MYO5A: variants seen among roughly 807,000 people sequenced by gnomAD.
MYO5A encodes the protein unconventional myosin-Va.
MYO5A carries 98 observed loss-of-function variants against 249.7 expected under a neutral mutation model. The ratio of observed to expected loss-of-function variants is 0.39; its 90% CI spans 0.33 to 0.46. The LOEUF is 0.46. Ranked by LOEUF, MYO5A falls within the 20% of genes least tolerant of loss-of-function variation. The probability of loss-of-function intolerance (pLI) is 0.98; values close to 1 mark genes in which losing one functional copy is unlikely to be tolerated. For missense variants in MYO5A, 1,696 were observed against 2,308.8 expected, an observed-to-expected ratio of 0.73 and a Z score of 5.44; for synonymous variants, 778 against 810.6, an observed-to-expected ratio of 0.96 and a Z score of 0.68.
At chr15:52,470,848 C>T (rs550626388) in intron 1 of MYO5A, among the ~76,000 whole-genome samples, 6 of 151,848 alleles carry the variant, frequency 4.0e-5, no homozygotes, top group African/African-American at 1.4e-4. Context: ...CATGGTGAAA[C>T]CCCATCTCTA....
chr15:52,418,134 T>A lies in MYO5A; in HGVS notation c.456-1833A>T, dbSNP rs1286445336. 2.0e-5 allele frequency among the ~76,000 whole-genome samples: 3 copies of A among 152,080 alleles called. No individual in the cohort carries two copies. The East Asian group carries it at 5.8e-4, about 29-fold the overall frequency. Reference sequence around the variant, plus strand: ...TAAATGAAGGCTCAGAATCAGAAGTTTGGAAAGAGCAGATAACTCAGCTTA... The same window carrying A: ...TAAATGAAGGCTCAGAATCAGAAGTATGGAAAGAGCAGATAACTCAGCTTA... On this transcript the variant is annotated intron_variant, in intron 4 of 41. Transcript: ENST00000399233.
At chr15:52,425,171 A>G (rs1315372430) in intron 4 of MYO5A, among the ~76,000 whole-genome samples, 1 of 152,136 alleles carries the variant, frequency 6.6e-6, no homozygotes, top group Non-Finnish European at 1.5e-5. Context: ...TAGGCTTTTT[A>G]GTTCTAGTCT....
intron 1 of MYO5A, among the ~76,000 whole-genome samples, chr15:52,475,760 T>C (rs992021314): frequency 2.0e-5 from 3 of 152,220 alleles, no homozygotes; most frequent in African/African-American, 7.2e-5. Flanking sequence ...AGGCAGTTTG[T>C]TATAATTTCT....
rs543623972 is a variant in MYO5A, at chr15:52,321,209, T to C, written c.4951+150A>G. On this transcript the variant is annotated intron_variant, in intron 38 of 41. Transcript: ENST00000399233. ...TCCCAGTTAACTATGGCTGGGTTTC[T>C]GGGATTCCTCGGCTAATTTTAGCCC... The C allele has an allele frequency of 1.3e-4, 130 of 972,174 alleles. 1 individual carries two copies. In the South Asian group the frequency reaches 1.7e-3, roughly 13 times the overall value. The allele number at this position is 972,174 out of a possible 1,614,324, so 60.2% of individuals were successfully genotyped here. A position where few individuals can be genotyped will look rare whatever the true frequency, so the allele number is the denominator to read the frequency against.
chr15:52,438,257 C>T (rs2075708705), intron 1 of MYO5A, among the ~76,000 whole-genome samples: 1 of 152,176 alleles, frequency 6.6e-6, no homozygotes, highest in Admixed American at 6.5e-5. Context: ...TGTCCAGTCA[C>T]ATCCGGTGAG....
chr15:52,524,426 T>C (rs2077689452), intron 1 of MYO5A, among the ~76,000 whole-genome samples: 2 of 151,572 alleles, frequency 1.3e-5, no homozygotes, highest in Admixed American at 1.3e-4. Context: ...TGGTAGCACA[T>C]GCCTGTAGAT....
intron 1 of MYO5A, among the ~76,000 whole-genome samples, chr15:52,450,251 C>T (rs1454041619): frequency 2.6e-5 from 4 of 151,900 alleles, no homozygotes; most frequent in Non-Finnish European, 5.9e-5. Flanking sequence ...TAATACCTAC[C>T]ACATAGGGGT....
intron 38 of MYO5A, 45 bp downstream of exon 38, chr15:52,321,314 T>C (rs1447742295): frequency 2.5e-6 from 4 of 1,613,216 alleles, no homozygotes; most frequent in Non-Finnish European, 3.4e-6. Context: ...TCGATGGGCA[T>C]GAATGATAGG....
Position 52,354,416 on chromosome 15 carries a change from A to G in MYO5A, c.3424-402T>C, listed in dbSNP as rs139151330. Among the ~76,000 whole-genome samples the G allele has an allele frequency of 5.9e-3, 898 of 152,376 alleles. 9 individuals are homozygous for G. The highest frequency in any genetic ancestry group is 0.021 in the African/African-American group (859 of 41,584). ...CCTACAGAAATACTTACACAAGTAT[A>G]TAAAAATATATGGAAAAAGATGTTC... is the stretch of plus-strand genomic sequence containing the variant. On this transcript the variant is annotated intron_variant, in intron 25 of 41. Transcript: ENST00000399233.
At chr15:52,370,451 T>C (rs778302758) in intron 21 of MYO5A, 34 bp from the exon 22 acceptor site, 9 of 1,569,542 alleles carry the variant, frequency 5.7e-6, no homozygotes, top group Non-Finnish European at 7.9e-6. Flanking sequence ...AATAAGTAAA[T>C]ACACATATCA....
chr15:52,338,173 T>C (rs901527446), intron 32 of MYO5A, among the ~76,000 whole-genome samples: 3 of 150,574 alleles, frequency 2.0e-5, no homozygotes, highest in African/African-American at 4.9e-5. Context: ...TCCAACCTCC[T>C]GCCTTTTTAC....
chr15:52,336,589 A>G (rs1395390301), intron 33 of MYO5A, 33 bp from the exon 34 acceptor site: 2 of 1,470,596 alleles, frequency 1.4e-6, no homozygotes, highest in Admixed American at 3.8e-5. Flanking sequence ...TATTAGAAAA[A>G]TCGAAACAGG....
At chr15:52,435,689 C>T (rs1280750656) in intron 1 of MYO5A, 3 of 454,848 alleles carry the variant, frequency 6.6e-6, no homozygotes, top group Non-Finnish European at 4.4e-6. Flanking sequence ...AAATTTTTTA[C>T]TTAAAGTTTG....
intron 9 of MYO5A, among the ~76,000 whole-genome samples, chr15:52,403,739 T>C (rs2042865462): frequency 6.6e-6 from 1 of 152,184 alleles, no homozygotes; most frequent in Admixed American, 6.5e-5. Flanking sequence ...ACTAGCAATG[T>C]TTCATTAGAA....
At chr15:52,396,021 C>CCCAG in intron 11 of MYO5A, among the ~76,000 whole-genome samples, 1 of 152,164 alleles carries the variant, frequency 6.6e-6, no homozygotes. Flanking sequence ...TGAAAGATAT[C>CCCAG]CTTGGGCTTA....
intron 1 of MYO5A, among the ~76,000 whole-genome samples, chr15:52,469,422 A>C (rs1170519051): frequency 6.6e-6 from 1 of 152,200 alleles, no homozygotes; most frequent in Non-Finnish European, 1.5e-5. Flanking sequence ...ACTATTTAGT[A>C]AGTGGAAGTG....
intron 25 of MYO5A, among the ~76,000 whole-genome samples, chr15:52,355,152 A>G (rs1364276903): frequency 6.6e-6 from 1 of 152,196 alleles, no homozygotes; most frequent in African/African-American, 2.4e-5. Context: ...AGGAAGAATG[A>G]TTTTTGAAAA....
At chr15:52,334,922 G>A (rs1235510669) in intron 34 of MYO5A, among the ~76,000 whole-genome samples, 1 of 152,220 alleles carries the variant, frequency 6.6e-6, no homozygotes, top group Non-Finnish European at 1.5e-5. Flanking sequence ...TTGAGGATGT[G>A]ACATATGACT....
At chr15:52,512,723 C>T (rs2077416981) in intron 1 of MYO5A, among the ~76,000 whole-genome samples, 1 of 152,004 alleles carries the variant, frequency 6.6e-6, no homozygotes, top group Non-Finnish European at 1.5e-5. Flanking sequence ...GAGTGATTTC[C>T]TATACTATTT....
Sources: allele counts gnomAD v4.1 joint callset (sites outside exome capture counted in the v4.1 genomes callset), GRCh38; gene constraint gnomAD v4.1.1; transcripts MANE v1.5; gene names NCBI Gene and HGNC (gene_info 2026-07-23, HGNC 2026-07-21).